The following FTO variants were observed in gnomAD, a reference collection of about 807,000 sequenced individuals.
FTO encodes the protein FTO alpha-ketoglutarate dependent dioxygenase.
FTO carries 47 observed loss-of-function variants against 63.9 expected under a neutral mutation model. The observed-to-expected ratio is 0.74, with a 90% CI of 0.58 to 0.94. The LOEUF (loss-of-function observed/expected upper bound fraction) is 0.94. FTO is among the 40% of genes least tolerant of loss of function. The pLI is 0.00. For missense variants in FTO, 562 were observed against 618.1 expected (o/e 0.91, Z 0.96); for synonymous variants, 207 against 224.4 (o/e 0.92, Z 0.69).
chr16:53,713,692 G>A (rs2075828520), intron 1 of FTO, among the ~76,000 whole-genome samples: 1 of 152,082 alleles, frequency 6.6e-6, no homozygotes, highest in Non-Finnish European at 1.5e-5. Context: ...CCTTGAATTG[G>A]TGCCATGGTT....
intron 8 of FTO, among the ~76,000 whole-genome samples, chr16:54,004,603 G>A (rs577179141): frequency 1.3e-5 from 2 of 152,040 alleles, no homozygotes; most frequent in African/African-American, 2.4e-5. Flanking sequence ...GCTAGGGACC[G>A]CATGCCATTT....
intron 8 of FTO, chr16:54,072,192 A>G (rs1369672939): frequency 1.3e-5 from 2 of 152,232 alleles, no homozygotes; most frequent in African/African-American, 4.8e-5. Flanking sequence ...CCTTGGCACT[A>G]TCAATAGATT....
At chr16:54,021,278 C>T (rs542497793) in intron 8 of FTO, among the ~76,000 whole-genome samples, 3 of 152,104 alleles carry the variant, frequency 2.0e-5, no homozygotes, top group Non-Finnish European at 4.4e-5. Flanking sequence ...GTAGTTTCTT[C>T]ATGCAACATA....
intron 1 of FTO, among the ~76,000 whole-genome samples, chr16:53,704,802 T>C (rs1452694110): frequency 6.6e-6 from 1 of 152,242 alleles, no homozygotes; most frequent in African/African-American, 2.4e-5. Context: ...AAGCATTTAT[T>C]GTGGGTCAGG....
In FTO at chr16:53,975,795, C is replaced by A. The variant is rs540455326; in HGVS notation, c.1364+41686C>A. On this transcript the variant is annotated intron_variant, in intron 8 of 8. Coordinates refer to ENST00000471389, the MANE Select transcript of FTO (RefSeq NM_001080432.3). ...CACATAGGAGCAATTTTATGTGGCT[C>A]ACCCAAGCAATGAAGATTTATATTG... 8.5e-5 allele frequency among the ~76,000 whole-genome samples: 13 copies of A among 152,222 alleles called. 1 individual carries two copies. In the South Asian group the frequency reaches 2.7e-3, roughly 32 times the overall value.
intron 7 of FTO, among the ~76,000 whole-genome samples, chr16:53,894,706 A>G (rs1157427230): frequency 6.6e-6 from 1 of 152,082 alleles, no homozygotes; most frequent in Non-Finnish European, 1.5e-5. Context: ...TACATCAGCC[A>G]ACATAATCCA....
chr16:53,786,256 G>T (rs975287100), intron 1 of FTO, among the ~76,000 whole-genome samples: 3 of 152,108 alleles, frequency 2.0e-5, no homozygotes, highest in Admixed American at 6.5e-5. Context: ...GAGATTATAG[G>T]CCATAAGTGA....
intron 8 of FTO, among the ~76,000 whole-genome samples, chr16:54,060,991 G>T (rs1238068585): frequency 6.6e-6 from 1 of 152,144 alleles, no homozygotes; most frequent in Non-Finnish European, 1.5e-5. Context: ...AGATTTATTG[G>T]CTTTCGATGG....
At chr16:53,873,704 A>C in intron 4 of FTO, 82 bp from the exon 5 acceptor site, 1 of 1,035,470 alleles carries the variant, frequency 9.7e-7, no homozygotes, top group South Asian at 1.3e-5. Flanking sequence ...TTTACTGTTT[A>C]CTTTGTGTTT....
intron 8 of FTO, among the ~76,000 whole-genome samples, chr16:54,074,909 A>AGT (rs1315985835): frequency 1.9e-4 from 22 of 115,570 alleles, no homozygotes; most frequent in African/African-American, 6.8e-4. Context: ...AGAGAGAGAG[A>AGT]GAGAGAGAGT....
chr16:54,050,909 C>G (rs16952908), intron 8 of FTO, among the ~76,000 whole-genome samples: 9,246 of 152,156 alleles, frequency 0.061, 347 homozygotes, highest in South Asian at 0.15. Flanking sequence ...TCAATGTGAA[C>G]TGACAGAAAC....
intron 8 of FTO, among the ~76,000 whole-genome samples, chr16:53,948,596 C>T (rs888836379): frequency 1.8e-4 from 27 of 152,238 alleles, no homozygotes; most frequent in African/African-American, 6.0e-4. Context: ...GCTATCCAGC[C>T]TTGCGAGGAG....
intron 1 of FTO, 119 bp downstream of exon 1, chr16:53,704,348 C>A: frequency 1.0e-6 from 1 of 980,902 alleles, no homozygotes; most frequent in Middle Eastern, 2.1e-4. Flanking sequence ...GATGACAGGG[C>A]CTTGTCAGCA....
At chr16:53,975,474 G>A (rs1409917277) in intron 8 of FTO, among the ~76,000 whole-genome samples, 2 of 151,918 alleles carry the variant, frequency 1.3e-5, no homozygotes, top group African/African-American at 2.4e-5. Context: ...GTGGAAAGAA[G>A]CACAAAATAG....
intron 8 of FTO, among the ~76,000 whole-genome samples, chr16:53,950,168 A>AAAAAAAAAAAAAAAAAAAAAAAAAAAAAC (rs1555497356): frequency 1.4e-5 from 2 of 147,854 alleles, no homozygotes. Context: ...AAAAAAAAAA[A>AAAAAAAAAAAAAAAAAAAAAAAAAAAAAC]AAAAAAAAAA....
intron 8 of FTO, among the ~76,000 whole-genome samples, chr16:54,089,582 C>T (rs2086330252): frequency 6.6e-6 from 1 of 151,816 alleles, no homozygotes; most frequent in Non-Finnish European, 1.5e-5. Flanking sequence ...AGAATGCTAC[C>T]AAGGTGAAAA....
At chr16:54,070,382 A>G (rs997865448) in intron 8 of FTO, 1 of 152,194 alleles carries the variant, frequency 6.6e-6, no homozygotes, top group African/African-American at 2.4e-5. Flanking sequence ...AAATAAATAT[A>G]TGTATGTATC....
chr16:54,108,224 T>C (rs2086799542), intron 8 of FTO, among the ~76,000 whole-genome samples: 1 of 152,154 alleles, frequency 6.6e-6, no homozygotes, highest in South Asian at 2.1e-4. Context: ...CTATGTAGAG[T>C]ATTGTGTGCT....
intron 8 of FTO, among the ~76,000 whole-genome samples, chr16:54,024,380 C>A (rs6499673): frequency 6.6e-6 from 1 of 151,912 alleles, no homozygotes; most frequent in African/African-American, 2.4e-5. Flanking sequence ...CACACCACCA[C>A]GCCCAGCTAA....
Sources: allele counts gnomAD v4.1 joint callset (sites outside exome capture counted in the v4.1 genomes callset), GRCh38; gene constraint gnomAD v4.1.1; transcripts MANE v1.5; gene names NCBI Gene and HGNC (gene_info 2026-07-23, HGNC 2026-07-21).